Variants in TPD52 observed in about 807,000 individuals in gnomAD.
The protein encoded by TPD52 is tumor protein D52.
Under a neutral mutation model 31.3 loss-of-function variants are expected in TPD52, and 17 were observed. That is an observed-to-expected ratio of 0.54 (90% CI 0.37 to 0.82). The LOEUF (loss-of-function observed/expected upper bound fraction) is 0.82. Ranked by LOEUF, TPD52 falls within the 40% of genes least tolerant of loss-of-function variation. TPD52 has a pLI of 0.00. For synonymous variants in TPD52, 83 were observed against 89.6 expected (o/e 0.93, Z 0.42); for missense variants, 212 against 240.1 (o/e 0.88, Z 0.77).
intron 1 of TPD52, among the ~76,000 whole-genome samples, chr8:80,092,815 T>C (rs2130890236): frequency 6.6e-6 from 1 of 151,028 alleles, no homozygotes; most frequent in East Asian, 1.9e-4. Context: ...AGAGGTGAGA[T>C]TGTCACTCAC....
chr8:80,052,629 A>T (rs1253446274), intron 3 of TPD52: 1 of 1,288,728 alleles, frequency 7.8e-7, no homozygotes. Context: ...GGCTCTCAAT[A>T]CAGAAGACAG....
rs539681560 is a variant in TPD52 at position 80,057,169 on chromosome 8, AAAAC to A, written c.136-3743_136-3740del. Among the ~76,000 whole-genome samples, 4 of 152,326 alleles carry A rather than the reference AAAAC, an allele frequency of 2.6e-5. No homozygotes were observed. The South Asian group carries it at 8.3e-4, about 32-fold the overall frequency. On this transcript the variant is annotated intron_variant, in intron 2 of 7. Transcript: ENST00000518937. Reference sequence around the variant, plus strand: ...GGCAACAGAGCAAGACTCTTCTCAAAAAACAAACAAGCAACAATAAAAAGAAAAC... The same window carrying A: ...GGCAACAGAGCAAGACTCTTCTCAAAAAACAAGCAACAATAAAAAGAAAAC...
chr8:80,070,353 A>G (rs544178935), intron 1 of TPD52, among the ~76,000 whole-genome samples: 1 of 152,262 alleles, frequency 6.6e-6, no homozygotes, highest in African/African-American at 2.4e-5. Context: ...TTTAGATCTG[A>G]AAGAATTCTG....
chr8:80,148,839 C>T (rs1248575059), intron 1 of TPD52, among the ~76,000 whole-genome samples: 1 of 152,120 alleles, frequency 6.6e-6, no homozygotes, highest in Non-Finnish European at 1.5e-5. Context: ...TGCCATTCCA[C>T]TTTCTGGGCC....
At chr8:80,096,012 T>C (rs1395975452) in intron 1 of TPD52, among the ~76,000 whole-genome samples, 1 of 151,918 alleles carries the variant, frequency 6.6e-6, no homozygotes, top group Non-Finnish European at 1.5e-5. Context: ...GCCCAACACT[T>C]TGGGAGGCCA....
rs1812919427 is a variant in TPD52 at position 80,064,610 on chromosome 8, A to G, written c.20-17T>C. 6 of 1,603,904 alleles carry G rather than the reference A, an allele frequency of 3.7e-6. No individual in the cohort carries two copies. Among genetic ancestry groups the G allele is most frequent in the Non-Finnish European group, 5.1e-6 (6 of 1,170,972 alleles). ...TCAGCAGACCTGGTTGGGGATTTAA[A>G]CCATTTTTTAAAGTGCAAAATCTAA... On this transcript the variant is annotated splice_polypyrimidine_tract_variant and intron_variant, in intron 1 of 7. Transcript: ENST00000518937.
chr8:80,145,100 T>A (rs1041253967), intron 1 of TPD52, among the ~76,000 whole-genome samples: 8 of 152,138 alleles, frequency 5.3e-5, no homozygotes, highest in Admixed American at 5.2e-4. Flanking sequence ...AGCACTGGTG[T>A]TAAAAACTGG....
At chr8:80,039,139 T>C (rs115451806) in intron 7 of TPD52, among the ~76,000 whole-genome samples, 2,659 of 152,304 alleles carry the variant, frequency 0.017, 76 homozygotes, top group African/African-American at 0.058. Flanking sequence ...AGACCCCTTA[T>C]TTTCACTCTC....
chr8:80,146,568 G>C (rs1457659019), intron 1 of TPD52, among the ~76,000 whole-genome samples: 1 of 152,018 alleles, frequency 6.6e-6, no homozygotes, highest in African/African-American at 2.4e-5. Flanking sequence ...AACAAAAATA[G>C]AACAAAAAGT....
chr8:80,078,483 T>A (rs577962490), intron 1 of TPD52, among the ~76,000 whole-genome samples: 1 of 152,340 alleles, frequency 6.6e-6, no homozygotes, highest in South Asian at 2.1e-4. Context: ...ATTCATTCCA[T>A]CGACCAACCA....
chr8:80,094,461 T>C lies in TPD52; in HGVS notation c.20-29868A>G, dbSNP rs868287056. ...ATATATATATATATATATATATATA[T>C]ATATATATATATATATATATATATG... On this transcript the variant is annotated intron_variant, in intron 1 of 7. Coordinates refer to ENST00000518937, the MANE Select transcript of TPD52 (RefSeq NM_001025253.3). 8.5e-3 allele frequency among the ~76,000 whole-genome samples: 965 copies of C among 113,666 alleles called. 27 individuals carry two copies. Among genetic ancestry groups the C allele is most frequent in the African/African-American group, 0.026 (890 of 34,060 alleles). 74.6% of individuals were successfully genotyped at this position (113,666 alleles called of 152,430 possible).
At chr8:80,140,949 TCG>T (rs1491408404) in intron 1 of TPD52, among the ~76,000 whole-genome samples, 3 of 79,262 alleles carry the variant, frequency 3.8e-5, no homozygotes, top group African/African-American at 1.6e-4. Flanking sequence ...GCAATACAAC[TCG>T]TGTGTGTGTG....
intron 1 of TPD52, chr8:80,080,420 A>C: frequency 6.2e-7 from 1 of 1,614,226 alleles, no homozygotes; most frequent in Non-Finnish European, 8.5e-7. Context: ...GGGGACTGGT[A>C]GTCCTCATAT....
In TPD52 at chr8:80,038,238, TA is replaced by T. The variant is rs754581528; in HGVS notation, c.505-4del. The stretch of plus-strand genomic sequence containing the variant: ...GGCTTGGTTCCCCCTACTTTAGACT[TA>T]AAAAAAAGTTCAAAAAAGGGAAAGA... On this transcript the variant is annotated splice_region_variant and splice_polypyrimidine_tract_variant and intron_variant, in intron 7 of 7. Transcript: ENST00000518937. 7 of 1,610,716 alleles carry T rather than the reference TA, an allele frequency of 4.3e-6. No individual in the cohort carries two copies. Among genetic ancestry groups the T allele is most frequent in the South Asian group, 1.1e-5 (1 of 90,748 alleles).
chr8:80,070,374 G>C lies in TPD52; in HGVS notation c.20-5781C>G, dbSNP rs115927326. On this transcript the variant is annotated intron_variant, in intron 1 of 7. Transcript: ENST00000518937. ...TCTGAAAGAATTCTGAATCGTTTAA[G>C]TCAGCAGTCCCCAGTGTTTTTTGCA... Among the ~76,000 whole-genome samples, 1,317 of 152,252 alleles carry C rather than the reference G, an allele frequency of 8.7e-3. 14 individuals are homozygous for C. Among genetic ancestry groups the C allele is most frequent in the African/African-American group, 0.03 (1,266 of 41,530 alleles).
intron 1 of TPD52, among the ~76,000 whole-genome samples, chr8:80,125,081 G>C (rs1808511462): frequency 6.6e-6 from 1 of 152,178 alleles, no homozygotes. Flanking sequence ...ACTAGACTCA[G>C]AGGTAATGGT....
chr8:80,117,568 A>G (rs1190757806), intron 1 of TPD52, among the ~76,000 whole-genome samples: 1 of 152,174 alleles, frequency 6.6e-6, no homozygotes, highest in African/African-American at 2.4e-5. Flanking sequence ...CTCTCAATCA[A>G]TTTACAGATT....
intron 1 of TPD52, among the ~76,000 whole-genome samples, chr8:80,162,146 T>C (rs1014731674): frequency 6.6e-6 from 1 of 152,120 alleles, no homozygotes; most frequent in African/African-American, 2.4e-5. Flanking sequence ...CTATTTTTAG[T>C]ACCAATTACA....
intron 1 of TPD52, among the ~76,000 whole-genome samples, chr8:80,078,834 A>G (rs1814894984): frequency 6.6e-6 from 1 of 152,204 alleles, no homozygotes; most frequent in African/African-American, 2.4e-5. Context: ...CTAGAGGTAC[A>G]CCCAACCCTA....
Sources: allele counts gnomAD v4.1 joint callset (sites outside exome capture counted in the v4.1 genomes callset), GRCh38; gene constraint gnomAD v4.1.1; transcripts MANE v1.5; gene names NCBI Gene and HGNC (gene_info 2026-07-23, HGNC 2026-07-21).